Variants in ACSL4 observed in about 807,000 individuals in gnomAD.
ACSL4 encodes the protein acyl-CoA synthetase long chain family member 4, also known as long-chain-fatty-acid--CoA ligase 4.
Under a neutral mutation model 49.1 loss-of-function variants are expected in ACSL4, and 9 were observed. The ratio of observed to expected loss-of-function variants is 0.18; its 90% CI spans 0.11 to 0.32. ACSL4 has a LOEUF of 0.32. ACSL4 is among the 10% of genes least tolerant of loss of function. The probability of loss-of-function intolerance (pLI) is 1.00; values close to 1 mark genes in which losing one functional copy is unlikely to be tolerated. For synonymous variants in ACSL4, 191 were observed against 170.3 expected, an observed-to-expected ratio of 1.12 and a Z score of -0.95; for missense variants, 333 against 493.7, an observed-to-expected ratio of 0.67 and a Z score of 3.08.
chrX:109,725,161 A>G (rs2147554051), intron 1 of ACSL4, among the ~76,000 whole-genome samples: 1 of 108,821 alleles, frequency 9.2e-6, no homozygotes, highest in South Asian at 4.0e-4. Context: ...ACTCACTGCA[A>G]CCTTGAACTC....
chrX:109,723,409 G>A (rs1025759964), intron 1 of ACSL4, among the ~76,000 whole-genome samples: 12 of 111,189 alleles, frequency 1.1e-4, no homozygotes, highest in African/African-American at 3.3e-4. Flanking sequence ...AGATTGTTTT[G>A]TATTACCCAT....
At chrX:109,656,522 G>C (rs1394276649) in intron 15 of ACSL4, among the ~76,000 whole-genome samples, 1 of 110,469 alleles carries the variant, frequency 9.1e-6, no homozygotes, top group Admixed American at 9.7e-5. Flanking sequence ...GTCCATAAAA[G>C]TCCATAACAT....
chrX:109,681,442 T>A (rs761819619), intron 4 of ACSL4, 67 bp from the exon 5 acceptor site: 9 of 761,944 alleles, frequency 1.2e-5, no homozygotes, highest in Admixed American at 9.9e-5. Flanking sequence ...ATTATTGAAG[T>A]CAGTCTTTAA....
intron 1 of ACSL4, among the ~76,000 whole-genome samples, chrX:109,723,971 C>A (rs746555753): frequency 1.8e-5 from 2 of 112,168 alleles, no homozygotes; most frequent in African/African-American, 6.5e-5. Context: ...ACCAGTACTT[C>A]TTTTCCTGGG....
intron 12 of ACSL4, 150 bp downstream of exon 12, chrX:109,665,270 T>C: frequency 2.0e-6 from 1 of 496,663 alleles, no homozygotes; most frequent in Non-Finnish European, 3.6e-6. Flanking sequence ...CCTAAAGATA[T>C]CACTGAGGAA....
chrX:109,704,604 A>G (rs1227660923), intron 1 of ACSL4, among the ~76,000 whole-genome samples: 1 of 112,148 alleles, frequency 8.9e-6, no homozygotes, highest in Non-Finnish European at 1.9e-5. Context: ...TCTCTAAAAA[A>G]GAAACACTTC....
chrX:109,701,135 C>T (rs1925889874), intron 1 of ACSL4, among the ~76,000 whole-genome samples: 1 of 111,897 alleles, frequency 8.9e-6, no homozygotes, highest in African/African-American at 3.2e-5. Flanking sequence ...TCCTTTTTAT[C>T]CAACCACCTA....
At chrX:109,725,515 C>T (rs1447502841) in intron 1 of ACSL4, among the ~76,000 whole-genome samples, 1 of 111,376 alleles carries the variant, frequency 9.0e-6, no homozygotes, top group Non-Finnish European at 1.9e-5. Context: ...ATAACCCCAG[C>T]ACTCTGGGAG....
intron 1 of ACSL4, among the ~76,000 whole-genome samples, chrX:109,704,088 G>T (rs35077907): frequency 0.094 from 10,313 of 109,592 alleles, 442 homozygotes; most frequent in Non-Finnish European, 0.14. Flanking sequence ...TTATTCCCTC[G>T]CATTTCTTAG....
chrX:109,703,669 C>T (rs749287607), intron 1 of ACSL4, among the ~76,000 whole-genome samples: 8 of 111,586 alleles, frequency 7.2e-5, no homozygotes, highest in East Asian at 2.8e-4. Context: ...TGGTGGCTCA[C>T]GCCTGTAATC....
At chrX:109,704,669 G>T (rs1361377923) in intron 1 of ACSL4, among the ~76,000 whole-genome samples, 2 of 111,548 alleles carry the variant, frequency 1.8e-5, no homozygotes, top group African/African-American at 6.5e-5. Flanking sequence ...GACACAGAAG[G>T]ACAAATACTA....
intron 2 of ACSL4, among the ~76,000 whole-genome samples, chrX:109,684,415 G>C (rs1237680094): frequency 8.9e-6 from 1 of 112,237 alleles, no homozygotes; most frequent in Non-Finnish European, 1.9e-5. Context: ...TTTTGCAACT[G>C]TTTGGGGGAA....
At chrX:109,660,022 T>C (rs752351946) in intron 14 of ACSL4, among the ~76,000 whole-genome samples, 2 of 108,171 alleles carry the variant, frequency 1.8e-5, no homozygotes, top group Non-Finnish European at 3.8e-5. Context: ...TTTATGAGAA[T>C]AGATTTGGCA....
intron 1 of ACSL4, among the ~76,000 whole-genome samples, chrX:109,705,394 C>A: frequency 8.9e-6 from 1 of 111,760 alleles, no homozygotes; most frequent in Admixed American, 9.5e-5. Flanking sequence ...CAGTGAGATG[C>A]CTACTAAAAT....
intron 15 of ACSL4, among the ~76,000 whole-genome samples, chrX:109,653,469 G>A (rs1170523039): frequency 9.0e-6 from 1 of 111,447 alleles, no homozygotes; most frequent in Non-Finnish European, 1.9e-5. Context: ...ATACTCAAAG[G>A]ACTATAAATC....
intron 1 of ACSL4, among the ~76,000 whole-genome samples, chrX:109,719,311 C>T (rs1246744646): frequency 1.8e-5 from 2 of 110,839 alleles, no homozygotes; most frequent in Non-Finnish European, 3.8e-5. Context: ...ACTATCCCAC[C>T]ACTAGAATGT....
chrX:109,652,227 A>G (rs1364887749), intron 15 of ACSL4, among the ~76,000 whole-genome samples: 2 of 112,144 alleles, frequency 1.8e-5, no homozygotes, highest in African/African-American at 6.5e-5. Context: ...AATCAAAACT[A>G]TTTCACACTT....
rs1924326546 is a variant in ACSL4 at position 109,683,279 on chromosome X, C to T, written c.85G>A (p.Val29Ile). The change falls in exon 3 of 16, where the codon GTA becomes ATA. Residue 29 changes from valine to isoleucine, a missense_variant. Physicochemically the swap from Val to Ile is conservative, Grantham distance 29. Coordinates refer to ENST00000672401, the MANE Select transcript of ACSL4 (RefSeq NM_001318510.2). Reference protein sequence around the residue: ...RSVTHFDSLAVIDIPGADTLD... With the variant: ...RSVTHFDSLAIIDIPGADTLD... The stretch of plus-strand genomic sequence containing the variant: ...GTATCTGCTCCAGGGATGTCTATTA[C>T]AGCTAGTGAGTCGAAGTGTGTGACA... 1 of 1,212,002 alleles carries T rather than the reference C, an allele frequency of 8.3e-7. No individual in the cohort carries two copies. Among genetic ancestry groups the T allele is most frequent in the Non-Finnish European group, 1.1e-6 (1 of 895,569 alleles).
intron 2 of ACSL4, among the ~76,000 whole-genome samples, chrX:109,687,178 A>G (rs1317195274): frequency 8.9e-6 from 1 of 112,062 alleles, no homozygotes; most frequent in African/African-American, 3.2e-5. Context: ...CTTAAACTAT[A>G]ATACTTCCTT....
Sources: gnomAD v4.1 joint callset for allele counts (sites outside exome capture counted in the v4.1 genomes callset) on GRCh38, gnomAD v4.1.1 for gene constraint, MANE v1.5 for transcripts, NCBI Gene and HGNC (gene_info 2026-07-23, HGNC 2026-07-21) for gene names.